TMEM150C: variants seen among roughly 807,000 people sequenced by gnomAD.
TMEM150C encodes the protein tentonin 3.
In TMEM150C, 10 loss-of-function variants were observed where a neutral mutation model predicts 29.9. The ratio of observed to expected loss-of-function variants is 0.33; its 90% CI spans 0.21 to 0.57. The LOEUF (loss-of-function observed/expected upper bound fraction) is 0.57, where lower values mean the gene tolerates loss of function less well. TMEM150C is among the 20% of genes least tolerant of loss of function. The probability of loss-of-function intolerance (pLI) is 0.88; values close to 1 mark genes in which losing one functional copy is unlikely to be tolerated. For missense variants in TMEM150C, 251 were observed against 303.6 expected, an observed-to-expected ratio of 0.83 and a Z score of 1.29; for synonymous variants, 101 against 112.5, an observed-to-expected ratio of 0.90 and a Z score of 0.64.
intron 6 of TMEM150C, chr4:82,491,350 C>G (rs1046062263): frequency 6.2e-6 from 4 of 646,984 alleles, no homozygotes; most frequent in Non-Finnish European, 1.1e-5. Context: ...AGCTGAGTAG[C>G]TGCTTGGCAT....
intron 5 of TMEM150C, 110 bp downstream of exon 5, chr4:82,502,617 A>C (rs1319609089): frequency 5.6e-6 from 6 of 1,080,746 alleles, no homozygotes; most frequent in Non-Finnish European, 8.1e-6. Context: ...ACATCGTATG[A>C]TACTAAATGA....
At position 82,504,430 on chromosome 4, in the gene TMEM150C, A is replaced by G. The variant is rs1172005975; in HGVS notation, c.80+148T>C. ...TGTTGGCAAGGGTCTCAAACTCCTG[A>G]CCTCAAGTGATCTGCCTGACTCGGC... On this transcript the variant is annotated intron_variant, in intron 2 of 7. Coordinates refer to ENST00000449862, the MANE Select transcript of TMEM150C (RefSeq NM_001080506.3). The G allele has an allele frequency of 2.9e-5, 16 of 547,134 alleles. No individual in the cohort carries two copies. In the East Asian group the frequency reaches 5.3e-4, roughly 18 times the overall value. The allele number at this position is 547,134 out of a possible 1,614,324, so 33.9% of individuals were successfully genotyped here. A position where few individuals can be genotyped will look rare whatever the true frequency, so the allele number is the denominator to read the frequency against.
intron 6 of TMEM150C, among the ~76,000 whole-genome samples, chr4:82,493,395 T>C (rs1378263177): frequency 6.6e-6 from 1 of 152,140 alleles, no homozygotes; most frequent in Non-Finnish European, 1.5e-5. Flanking sequence ...AGTTACATAG[T>C]TAAACTTAAA....
chr4:82,500,838 C>G (rs1723714664), intron 5 of TMEM150C, among the ~76,000 whole-genome samples: 1 of 152,198 alleles, frequency 6.6e-6, no homozygotes, highest in Non-Finnish European at 1.5e-5. Flanking sequence ...TTGTTTAAAG[C>G]CCAGTGGAGG....
chr4:82,553,174 T>C (rs1291997751), intron 1 of TMEM150C, among the ~76,000 whole-genome samples: 4 of 152,256 alleles, frequency 2.6e-5, no homozygotes, highest in Admixed American at 2.6e-4. Flanking sequence ...ACAATGGGTA[T>C]GGCTGTGTAC....
chr4:82,559,181 A>C lies in TMEM150C; in HGVS notation c.-11+2725T>G, dbSNP rs1363342316. Among the ~76,000 whole-genome samples the C allele has an allele frequency of 2.6e-5, 4 of 152,232 alleles. No individual in the cohort carries two copies. The East Asian group carries it at 7.7e-4, about 29-fold the overall frequency. The stretch of plus-strand genomic sequence containing the variant: ...GACTCCTTTTTCGGACTCAGCCCAC[A>C]TGCACCCAGGTGAAATAAACAGCCT... On this transcript the variant is annotated intron_variant, in intron 1 of 7. Transcript: ENST00000449862.
chr4:82,489,556 G>A (rs1723266027), intron 7 of TMEM150C, among the ~76,000 whole-genome samples: 2 of 152,098 alleles, frequency 1.3e-5, no homozygotes, highest in African/African-American at 4.8e-5. Flanking sequence ...AAATATTGGA[G>A]GAAAACTACA....
At chr4:82,539,273 A>G (rs1725119861) in intron 1 of TMEM150C, among the ~76,000 whole-genome samples, 1 of 152,162 alleles carries the variant, frequency 6.6e-6, no homozygotes, top group African/African-American at 2.4e-5. Context: ...TACTATTATC[A>G]TGATCATTAA....
At chr4:82,495,722 T>G (rs1356142736) in intron 6 of TMEM150C, 3 of 309,364 alleles carry the variant, frequency 9.7e-6, no homozygotes, top group Non-Finnish European at 1.9e-5. Flanking sequence ...AAACCTTGTT[T>G]GTTGTTCCCA....
At chr4:82,513,128 C>G (rs548813990) in intron 1 of TMEM150C, among the ~76,000 whole-genome samples, 3 of 152,218 alleles carry the variant, frequency 2.0e-5, no homozygotes, top group Admixed American at 2.0e-4. Flanking sequence ...CCTTGACCCC[C>G]GTGCCTCCTG....
rs544283201 is a variant in TMEM150C, at chr4:82,509,049, C to A, written c.-10-4382G>T. On this transcript the variant is annotated intron_variant, in intron 1 of 7. Transcript: ENST00000449862. ...AAAGCTGTTATCCAGATGGTCAACT[C>A]TTCCTAAAGAGCCAATACTGCAAAC... Among the ~76,000 whole-genome samples the A allele has an allele frequency of 2.0e-5, 3 of 152,310 alleles. No homozygotes were observed. In the East Asian group the frequency reaches 5.8e-4, roughly 29 times the overall value.
chr4:82,561,845 C>A (rs867961955), intron 1 of TMEM150C, 61 bp downstream of exon 1: 2 of 974,774 alleles, frequency 2.1e-6, no homozygotes, highest in Admixed American at 1.2e-4. Context: ...CGCACGGGGC[C>A]GGGCCGGACG....
rs1725943451 is a variant in TMEM150C at position 82,561,781 on chromosome 4, G to A, written c.-11+125C>T. On this transcript the variant is annotated intron_variant, in intron 1 of 7. Transcript: ENST00000449862. ...AGGGCCCCGCAGCCGGGCGGACCCA[G>A]CCGCCCCAGCCGCGCTGCAGCCCCC... 5 of 714,030 alleles carry A rather than the reference G, an allele frequency of 7.0e-6. No homozygotes were observed. The South Asian group carries it at 2.5e-4, about 35-fold the overall frequency. 44.2% of individuals were successfully genotyped at this position (714,030 alleles called of 1,614,324 possible). A position where few individuals can be genotyped will look rare whatever the true frequency, so the allele number is the denominator to read the frequency against.
chr4:82,536,451 C>A lies in TMEM150C; in HGVS notation c.-11+25455G>T, dbSNP rs1333569084. On this transcript the variant is annotated intron_variant, in intron 1 of 7. Transcript: ENST00000449862. ...AAAATGACCCACCTATTTAGATACT[C>A]AAATCACACACATACGCTATAGGTG... Among the ~76,000 whole-genome samples the A allele has an allele frequency of 2.0e-5, 3 of 151,294 alleles. No homozygotes were observed. The East Asian group carries it at 5.8e-4, about 29-fold the overall frequency.
intron 7 of TMEM150C, among the ~76,000 whole-genome samples, chr4:82,486,685 G>A (rs997747675): frequency 1.3e-5 from 2 of 152,090 alleles, no homozygotes; most frequent in Non-Finnish European, 2.9e-5. Flanking sequence ...AGGAGTTTGA[G>A]GCTGCAGTGA....
rs138869384 is a variant in TMEM150C at position 82,525,247 on chromosome 4, G to C, written c.-10-20580C>G. ...TTTGGAATAAAGTCAGTTGGGGCTT[G>C]GTAAAGGAGAAAAAAATTGTTGCAT... On this transcript the variant is annotated intron_variant, in intron 1 of 7. Coordinates refer to ENST00000449862, the MANE Select transcript of TMEM150C (RefSeq NM_001080506.3). 5.2e-3 allele frequency among the ~76,000 whole-genome samples: 796 copies of C among 152,210 alleles called. 9 individuals carry two copies. Among genetic ancestry groups the C allele is most frequent in the African/African-American group, 0.018 (734 of 41,518 alleles).
intron 6 of TMEM150C, among the ~76,000 whole-genome samples, chr4:82,493,297 T>C (rs957206088): frequency 1.3e-5 from 2 of 152,088 alleles, no homozygotes; most frequent in Non-Finnish European, 2.9e-5. Flanking sequence ...AATAATGATA[T>C]CTGAAATCAA....
chr4:82,490,900 G>T (rs1723319133), intron 6 of TMEM150C: 4 of 712,418 alleles, frequency 5.6e-6, no homozygotes, highest in African/African-American at 5.2e-5. Flanking sequence ...TTGGGACCCA[G>T]GACATTGCCT....
intron 1 of TMEM150C, among the ~76,000 whole-genome samples, chr4:82,529,417 T>C (rs927522686): frequency 6.6e-6 from 1 of 151,994 alleles, no homozygotes; most frequent in African/African-American, 2.4e-5. Flanking sequence ...GCCTCCCAAG[T>C]AGCTGGGACC....
Sources: gnomAD v4.1 joint callset for allele counts (sites outside exome capture counted in the v4.1 genomes callset) on GRCh38, gnomAD v4.1.1 for gene constraint, MANE v1.5 for transcripts, NCBI Gene and HGNC (gene_info 2026-07-23, HGNC 2026-07-21) for gene names.